Variants in SCHIP1 observed in about 807,000 individuals in gnomAD.
SCHIP1 encodes schwannomin-interacting protein 1.
SCHIP1 carries 8 observed loss-of-function variants against 29.7 expected under a neutral mutation model. That is an observed-to-expected ratio of 0.27 (90% CI 0.16 to 0.49). SCHIP1 has a LOEUF of 0.49. SCHIP1 is among the 20% of genes least tolerant of loss of function. The pLI is 0.99. For synonymous variants in SCHIP1, 76 were observed against 94.9 expected, an observed-to-expected ratio of 0.80 and a Z score of 1.16; for missense variants, 193 against 294.6, an observed-to-expected ratio of 0.66 and a Z score of 2.52.
At chr3:159,596,377 A>G in the SCHIP1 span, among the ~76,000 whole-genome samples, 1 of 152,212 alleles carries the variant, frequency 6.6e-6, no homozygotes, top group African/African-American at 2.4e-5. Flanking sequence ...CAACCATTGT[A>G]GAAGAGAGTG....
the SCHIP1 span, among the ~76,000 whole-genome samples, chr3:159,649,458 A>G: frequency 1.3e-5 from 2 of 152,216 alleles, no homozygotes; most frequent in Non-Finnish European, 2.9e-5. Flanking sequence ...AACATTGAAT[A>G]AAAACAGCGA....
At chr3:159,500,795 G>C in the SCHIP1 span, among the ~76,000 whole-genome samples, 2 of 151,602 alleles carry the variant, frequency 1.3e-5, no homozygotes, top group African/African-American at 2.4e-5. Context: ...TACCCTTTTA[G>C]TATTAGGATA....
chr3:159,674,645 A>G, the SCHIP1 span, among the ~76,000 whole-genome samples: 7 of 151,580 alleles, frequency 4.6e-5, no homozygotes, highest in South Asian at 2.1e-4. Context: ...CTAGCCCTAG[A>G]AAAATACATT....
intron 1 of SCHIP1, among the ~76,000 whole-genome samples, chr3:159,858,234 G>T (rs759045766): frequency 3.3e-5 from 5 of 152,200 alleles, no homozygotes; most frequent in Non-Finnish European, 7.3e-5. Flanking sequence ...AGTAGAATGA[G>T]CTCAGGTTCG....
the SCHIP1 span, among the ~76,000 whole-genome samples, chr3:159,826,798 A>G: frequency 1.3e-5 from 2 of 152,232 alleles, no homozygotes; most frequent in African/African-American, 4.8e-5. Context: ...TTGTGGGCCC[A>G]ACTTATGTGT....
At chr3:159,852,318 G>C (rs181980970) in intron 1 of SCHIP1, among the ~76,000 whole-genome samples, 44 of 152,276 alleles carry the variant, frequency 2.9e-4, no homozygotes, top group Admixed American at 1.4e-3. Flanking sequence ...CTAAATGAAG[G>C]CTTGCCCTTT....
At chr3:159,315,113 C>T in the SCHIP1 span, among the ~76,000 whole-genome samples, 1 of 151,912 alleles carries the variant, frequency 6.6e-6, no homozygotes, top group Non-Finnish European at 1.5e-5. Context: ...TATTAATTTA[C>T]ACTCTTACCA....
the SCHIP1 span, among the ~76,000 whole-genome samples, chr3:159,771,347 T>C: frequency 6.6e-6 from 1 of 152,250 alleles, no homozygotes; most frequent in Non-Finnish European, 1.5e-5. Context: ...TCCTACAAAA[T>C]ACAGTAAAGT....
the SCHIP1 span, among the ~76,000 whole-genome samples, chr3:159,677,652 CCT>C: frequency 6.6e-6 from 1 of 152,158 alleles, no homozygotes; most frequent in African/African-American, 2.4e-5. Context: ...CATCTGTACC[CCT>C]GTCCTGGAGT....
At chr3:159,288,172 A>G in the SCHIP1 span, among the ~76,000 whole-genome samples, 1 of 152,234 alleles carries the variant, frequency 6.6e-6, no homozygotes, top group Non-Finnish European at 1.5e-5. Flanking sequence ...TGTGAGTCTG[A>G]AGGACAGTCT....
the SCHIP1 span, among the ~76,000 whole-genome samples, chr3:159,737,137 T>C: frequency 1.1e-3 from 165 of 152,262 alleles, no homozygotes; most frequent in Non-Finnish European, 2.0e-3. Flanking sequence ...AGTGATGATA[T>C]GGTCATAGCC....
the SCHIP1 span, among the ~76,000 whole-genome samples, chr3:159,828,476 C>CGTATATAT: frequency 9.0e-6 from 1 of 111,022 alleles, no homozygotes; most frequent in Non-Finnish European, 1.9e-5. Flanking sequence ...TATATACACA[C>CGTATATAT]ACATACACAT....
At chr3:159,567,892 T>A in the SCHIP1 span, among the ~76,000 whole-genome samples, 5 of 152,194 alleles carry the variant, frequency 3.3e-5, no homozygotes, top group African/African-American at 7.2e-5. Flanking sequence ...AATTTAGGAA[T>A]GTTAATGTCT....
chr3:159,390,223 T>C, the SCHIP1 span, among the ~76,000 whole-genome samples: 1 of 152,134 alleles, frequency 6.6e-6, no homozygotes, highest in African/African-American at 2.4e-5. Flanking sequence ...GTGAAAGTTA[T>C]AGATCAGTAC....
At chr3:159,606,118 T>C in the SCHIP1 span, among the ~76,000 whole-genome samples, 5 of 152,196 alleles carry the variant, frequency 3.3e-5, no homozygotes, top group Non-Finnish European at 5.9e-5. Flanking sequence ...TGCAAATGTC[T>C]TTCTGGGGGA....
chr3:159,440,136 C>A, the SCHIP1 span, among the ~76,000 whole-genome samples: 1 of 152,106 alleles, frequency 6.6e-6, no homozygotes, highest in Non-Finnish European at 1.5e-5. Flanking sequence ...CTAGTTCTCC[C>A]TGCACCATTT....
the SCHIP1 span, among the ~76,000 whole-genome samples, chr3:159,497,651 G>T: frequency 6.6e-6 from 1 of 151,710 alleles, no homozygotes; most frequent in Non-Finnish European, 1.5e-5. Flanking sequence ...GAAGCAGAAA[G>T]AAGGCAGGAA....
At chr3:159,447,443 C>G in the SCHIP1 span, among the ~76,000 whole-genome samples, 1 of 152,064 alleles carries the variant, frequency 6.6e-6, no homozygotes, top group Admixed American at 6.6e-5. Context: ...AAAAGGTCTT[C>G]AAATTAAAAA....
the SCHIP1 span, among the ~76,000 whole-genome samples, chr3:159,525,607 A>G: frequency 6.6e-6 from 1 of 152,226 alleles, no homozygotes; most frequent in African/African-American, 2.4e-5. Context: ...AAAATTCTTA[A>G]TGTGCTAAGG....
Sources: gnomAD v4.1 joint callset for allele counts (sites outside exome capture counted in the v4.1 genomes callset) on GRCh38, gnomAD v4.1.1 for gene constraint, MANE v1.5 for transcripts, NCBI Gene and HGNC (gene_info 2026-07-23, HGNC 2026-07-21) for gene names.